The following SPICE1 variants were observed in gnomAD, a reference collection of about 807,000 sequenced individuals.
SPICE1 encodes the protein spindle and centriole associated protein 1.
SPICE1 carries 75 observed loss-of-function variants against 102.7 expected under a neutral mutation model. The ratio of observed to expected loss-of-function variants is 0.73; its 90% confidence interval spans 0.61 to 0.88. SPICE1 has a LOEUF of 0.88. SPICE1 is among the 40% of genes least tolerant of loss of function. The pLI is 0.00. For synonymous variants in SPICE1, 308 were observed against 350.3 expected, an observed-to-expected ratio of 0.88 and a Z score of 1.35; for missense variants, 979 against 1,020.1, an observed-to-expected ratio of 0.96 and a Z score of 0.55.
intron 8 of SPICE1, 34 bp from the exon 9 acceptor site, chr3:113,468,933 G>A (rs764282042): frequency 6.3e-7 from 1 of 1,593,064 alleles, no homozygotes; most frequent in Non-Finnish European, 8.5e-7. Flanking sequence ...AGTATCTCAA[G>A]TGAACAAACT....
intron 2 of SPICE1, among the ~76,000 whole-genome samples, chr3:113,504,220 T>C (rs1937064082): frequency 6.6e-6 from 1 of 152,156 alleles, no homozygotes; most frequent in African/African-American, 2.4e-5. Context: ...GTAGCAACCC[T>C]GTAACTTGGC....
At chr3:113,514,764 C>G (rs1312330497) in intron 1 of SPICE1, 133 bp downstream of exon 1, 25 of 1,288,222 alleles carry the variant, frequency 1.9e-5, no homozygotes, top group Non-Finnish European at 2.5e-5. Context: ...ACGGTGAACT[C>G]CCCCAACGCT....
At chr3:113,472,973 C>T (rs528503808) in intron 7 of SPICE1, among the ~76,000 whole-genome samples, 2 of 152,034 alleles carry the variant, frequency 1.3e-5, no homozygotes, top group Non-Finnish European at 2.9e-5. Context: ...AGGCTTCAGA[C>T]GATCAAACTA....
chr3:113,508,517 G>A (rs1937156768), intron 1 of SPICE1, among the ~76,000 whole-genome samples: 1 of 152,132 alleles, frequency 6.6e-6, no homozygotes, highest in African/African-American at 2.4e-5. Context: ...CACATGAAAA[G>A]ATGTTCAACA....
rs540518167 is a variant in SPICE1 at position 113,489,044 on chromosome 3, C to T, written c.512G>A (p.Gly171Asp). 32 of 1,609,404 alleles carry T rather than the reference C, an allele frequency of 2.0e-5. No homozygotes were observed. Among genetic ancestry groups the T allele is most frequent in the East Asian group, 2.2e-5 (1 of 44,796 alleles). ...GCTATTAACAGTTCCTTCTTCTTCA[C>T]CATCTACATCATTAAGAGCCTGTCT... ...IEPQALNDVD[G>D]EEEGTVNSQS... Residue 171 changes from glycine to aspartate, a missense_variant, in exon 7 of 18, where the codon GGT becomes GAT. By Grantham distance (94) the Gly-to-Asp change is moderately conservative. Transcript: ENST00000295872.
At chr3:113,503,931 TAAAA>T (rs34217669) in intron 2 of SPICE1, among the ~76,000 whole-genome samples, 23 of 95,496 alleles carry the variant, frequency 2.4e-4, no homozygotes, top group African/African-American at 7.9e-4. Context: ...AGTTTCTATC[TAAAA>T]AAAAAAAAAA....
Position 113,457,339 on chromosome 3 carries a change from G to T in SPICE1, c.1454C>A (p.Ala485Asp). 1 of 1,614,164 alleles carries T rather than the reference G, an allele frequency of 6.2e-7. No homozygotes were observed. Among genetic ancestry groups the T allele is most frequent in the African/African-American group, 1.3e-5 (1 of 75,034 alleles). Reference sequence around the variant, plus strand: ...GAACATCAATGGCACTGAGACATTGGCATTTACAACTGGACGCTCTGAAGA... The same window carrying T: ...GAACATCAATGGCACTGAGACATTGTCATTTACAACTGGACGCTCTGAAGA... The part of the protein sequence containing the change: ...MDSPERPVVN[A>D]NVSVPLMFRE... Residue 485 changes from alanine (A) to aspartate (D), a missense_variant, in exon 13 of 18, where the codon GCC (alanine) becomes GAC (aspartate). Coordinates refer to ENST00000295872, the MANE Select transcript of SPICE1 (RefSeq NM_144718.4).
At chr3:113,454,907 C>CA (rs1935746056) in intron 13 of SPICE1, among the ~76,000 whole-genome samples, 1 of 152,094 alleles carries the variant, frequency 6.6e-6, no homozygotes, top group South Asian at 2.1e-4. Context: ...CAAAGGACAC[C>CA]ACAATCTTAC....
intron 11 of SPICE1, among the ~76,000 whole-genome samples, chr3:113,462,233 T>C (rs1935948015): frequency 6.6e-6 from 1 of 152,224 alleles, no homozygotes. Context: ...CCTCATGTAA[T>C]ATTCTGCTTT....
rs1194576092 is a variant in SPICE1 at position 113,501,202 on chromosome 3, T to A, written c.148-1620A>T. Among the ~76,000 whole-genome samples, 4 of 152,156 alleles carry A rather than the reference T, an allele frequency of 2.6e-5. No individual in the cohort carries two copies. In the East Asian group the frequency reaches 7.7e-4, roughly 29 times the overall value. ...ATAAATGCTGTTTGGACAATGATTATCCTTTAGCAAAAAATAAAGTTGGGC... is the reference window on the plus strand; with the variant it reads ...ATAAATGCTGTTTGGACAATGATTAACCTTTAGCAAAAAATAAAGTTGGGC... On this transcript the variant is annotated intron_variant, in intron 3 of 17. Coordinates refer to ENST00000295872, the MANE Select transcript of SPICE1 (RefSeq NM_144718.4).
intron 7 of SPICE1, among the ~76,000 whole-genome samples, chr3:113,487,862 G>A (rs1253717067): frequency 6.6e-6 from 1 of 152,086 alleles, no homozygotes; most frequent in Non-Finnish European, 1.5e-5. Context: ...GGATATTCCT[G>A]CCCAAAATGC....
At chr3:113,505,715 A>G (rs926862914) in intron 2 of SPICE1, among the ~76,000 whole-genome samples, 5 of 152,202 alleles carry the variant, frequency 3.3e-5, no homozygotes, top group Admixed American at 2.0e-4. Flanking sequence ...AACCTGGGCA[A>G]CACAGCAAGG....
At chr3:113,501,436 A>G (rs1047336631) in intron 3 of SPICE1, among the ~76,000 whole-genome samples, 1 of 152,198 alleles carries the variant, frequency 6.6e-6, no homozygotes, top group African/African-American at 2.4e-5. Context: ...AAAATTAAAA[A>G]CTTCCCTGCT....
chr3:113,454,403 G>C (rs1366837191), intron 13 of SPICE1, among the ~76,000 whole-genome samples: 2 of 152,106 alleles, frequency 1.3e-5, no homozygotes, highest in Non-Finnish European at 2.9e-5. Flanking sequence ...TGTGAAAGCT[G>C]TCAGAATCAA....
chr3:113,463,638 T>G (rs1208895527), intron 11 of SPICE1, among the ~76,000 whole-genome samples: 1 of 152,244 alleles, frequency 6.6e-6, no homozygotes, highest in Non-Finnish European at 1.5e-5. Flanking sequence ...TTAAACATTA[T>G]ACTAAGTGAA....
At position 113,450,321 on chromosome 3, in the gene SPICE1, G is replaced by A. The variant is rs371429023; in HGVS notation, c.2323+15C>T. The A allele has an allele frequency of 1.2e-6, 2 of 1,613,602 alleles. No individual in the cohort carries two copies. The highest frequency in any genetic ancestry group is 2.7e-5 in the African/African-American group (2 of 74,994). On this transcript the variant is annotated intron_variant, in intron 15 of 17. Coordinates refer to ENST00000295872, the MANE Select transcript of SPICE1 (RefSeq NM_144718.4). Reference sequence around the variant, plus strand: ...TTCATATTTCTAGTTTTTAAATCATGAATTTGTGACCAACCAGTCCATGCT... The same window carrying A: ...TTCATATTTCTAGTTTTTAAATCATAAATTTGTGACCAACCAGTCCATGCT...
chr3:113,485,758 A>G (rs1184778230), intron 7 of SPICE1, among the ~76,000 whole-genome samples: 1 of 152,224 alleles, frequency 6.6e-6, no homozygotes, highest in Non-Finnish European at 1.5e-5. Context: ...TCAACGTCAT[A>G]AAGATGCCAG....
chr3:113,506,740 C>T (rs1013742738), intron 1 of SPICE1, 135 bp from the exon 2 acceptor site: 3 of 631,702 alleles, frequency 4.7e-6, no homozygotes, highest in Non-Finnish European at 5.4e-6. Flanking sequence ...ATGAAAGGAA[C>T]AGCCTATCAA....
At position 113,445,296 on chromosome 3, in the gene SPICE1, C is replaced by T; in HGVS notation, c.*11G>A. ...ATTATTAAGAACAAACTCAGTGAGA[C>T]TTGACTTCACTTATGATACATGGGT... On this transcript the variant is annotated 3_prime_UTR_variant, in exon 18 of 18. Coordinates refer to ENST00000295872, the MANE Select transcript of SPICE1 (RefSeq NM_144718.4). 2 of 1,608,370 alleles carry T rather than the reference C, an allele frequency of 1.2e-6. No individual in the cohort carries two copies. Among genetic ancestry groups the T allele is most frequent in the Non-Finnish European group, 1.7e-6 (2 of 1,176,096 alleles).
Sources: allele counts gnomAD v4.1 joint callset (sites outside exome capture counted in the v4.1 genomes callset), GRCh38; gene constraint gnomAD v4.1.1; transcripts MANE v1.5; gene names NCBI Gene and HGNC (gene_info 2026-07-23, HGNC 2026-07-21).